Variants in TESK2 observed in about 807,000 individuals in gnomAD.
TESK2 encodes the protein testis associated actin remodelling kinase 2, also known as dual specificity testis-specific protein kinase 2.
A neutral mutation model predicts 57.1 loss-of-function variants in TESK2; 39 were observed. The observed-to-expected ratio is 0.68, with a 90% confidence interval of 0.53 to 0.89. The LOEUF is 0.89. TESK2 is among the 40% of genes least tolerant of loss of function. The pLI is 0.00. For synonymous variants in TESK2, 249 were observed against 267.9 expected (o/e 0.93, Z 0.69); for missense variants, 646 against 732.1 (o/e 0.88, Z 1.36).
chr1:45,447,991 C>T (rs1457290031), intron 2 of TESK2, among the ~76,000 whole-genome samples: 3 of 148,976 alleles, frequency 2.0e-5, no homozygotes, highest in Non-Finnish European at 4.4e-5. Flanking sequence ...AGATATTTCA[C>T]ATTCACAGAT....
intron 2 of TESK2, among the ~76,000 whole-genome samples, chr1:45,437,257 T>C (rs995310112): frequency 6.6e-6 from 1 of 152,242 alleles, no homozygotes. Context: ...CAGTTCTTCT[T>C]GTAGGGTCTT....
intron 5 of TESK2, among the ~76,000 whole-genome samples, chr1:45,352,749 G>GTA (rs397969188): frequency 8.6e-5 from 13 of 151,982 alleles, no homozygotes; most frequent in East Asian, 5.8e-4. Flanking sequence ...GTGTGTGTGT[G>GTA]GGGGGAGTAT....
intron 5 of TESK2, among the ~76,000 whole-genome samples, chr1:45,348,340 G>C (rs1647177400): frequency 1.3e-5 from 2 of 152,202 alleles, no homozygotes; most frequent in African/African-American, 4.8e-5. Flanking sequence ...CAATATAGGG[G>C]AGAACAACAG....
At chr1:45,378,450 C>T (rs942201528) in intron 4 of TESK2, among the ~76,000 whole-genome samples, 5 of 152,174 alleles carry the variant, frequency 3.3e-5, no homozygotes, top group African/African-American at 1.2e-4. Flanking sequence ...ATCCTGAGAT[C>T]ACCATGCTGT....
At chr1:45,470,483 G>T (rs1652716507) in intron 1 of TESK2, among the ~76,000 whole-genome samples, 3 of 152,116 alleles carry the variant, frequency 2.0e-5, no homozygotes, top group Admixed American at 2.0e-4. Flanking sequence ...CATAAAAACT[G>T]GCATCCCTTA....
chr1:45,361,182 C>T (rs1191042459), intron 4 of TESK2, among the ~76,000 whole-genome samples: 1 of 152,162 alleles, frequency 6.6e-6, no homozygotes, highest in Non-Finnish European at 1.5e-5. Flanking sequence ...AAGCAACTCC[C>T]AGTGCAGACT....
chr1:45,388,942 G>A (rs904401629), intron 3 of TESK2, among the ~76,000 whole-genome samples: 1 of 151,942 alleles, frequency 6.6e-6, no homozygotes, highest in Non-Finnish European at 1.5e-5. Flanking sequence ...AGATGGTCTC[G>A]ATCTCCTGAC....
At chr1:45,356,758 A>G (rs1647441384) in intron 4 of TESK2, among the ~76,000 whole-genome samples, 1 of 152,202 alleles carries the variant, frequency 6.6e-6, no homozygotes, top group Admixed American at 6.5e-5. Context: ...TAAGTGAAAG[A>G]CAATATTTAG....
intron 3 of TESK2, among the ~76,000 whole-genome samples, chr1:45,408,123 G>T (rs1177540337): frequency 6.6e-6 from 1 of 151,988 alleles, no homozygotes; most frequent in Non-Finnish European, 1.5e-5. Context: ...AGGGTGTTTT[G>T]TTTACTTCCC....
chr1:45,406,636 ACAGAGCAAGGC>A, intron 3 of TESK2, among the ~76,000 whole-genome samples: 1 of 152,106 alleles, frequency 6.6e-6, no homozygotes, highest in Non-Finnish European at 1.5e-5. Flanking sequence ...AGCCTGGGTG[ACAGAGCAAGGC>A]TCTGTCTAAA....
At chr1:45,411,636 C>T (rs889083576) in intron 3 of TESK2, among the ~76,000 whole-genome samples, 5 of 152,108 alleles carry the variant, frequency 3.3e-5, no homozygotes, top group African/African-American at 1.2e-4. Context: ...GCACACTCAG[C>T]GCACAAGGAC....
chr1:45,430,721 T>C (rs1650914376), intron 2 of TESK2, among the ~76,000 whole-genome samples: 2 of 152,206 alleles, frequency 1.3e-5, no homozygotes, highest in South Asian at 2.1e-4. Flanking sequence ...AAGGGTTGCA[T>C]CTTTTTGCTT....
chr1:45,483,690 AG>A (rs986747194), intron 1 of TESK2, among the ~76,000 whole-genome samples: 1 of 151,802 alleles, frequency 6.6e-6, no homozygotes, highest in African/African-American at 2.4e-5. Context: ...GGGGCGGCGG[AG>A]GGGGGGTCAA....
At chr1:45,347,566 A>G in intron 7 of TESK2, 43 bp downstream of exon 7, 1 of 1,577,548 alleles carries the variant, frequency 6.3e-7, no homozygotes, top group Non-Finnish European at 8.7e-7. Context: ...AAAAAAAGAA[A>G]AAGAAAAAAG....
At chr1:45,434,328 C>A (rs1338055053) in intron 2 of TESK2, among the ~76,000 whole-genome samples, 1 of 149,090 alleles carries the variant, frequency 6.7e-6, no homozygotes, top group East Asian at 2.0e-4. Context: ...CAGGGTCCTG[C>A]TCTATTGCCA....
intron 2 of TESK2, among the ~76,000 whole-genome samples, chr1:45,422,780 T>TTG (rs1234266587): frequency 2.0e-4 from 2 of 10,240 alleles, no homozygotes; most frequent in East Asian, 5.9e-4. Flanking sequence ...TGTTGTTGTT[T>TTG]TTGTTTTGAG....
intron 2 of TESK2, among the ~76,000 whole-genome samples, chr1:45,452,369 T>C (rs1164660067): frequency 6.6e-6 from 1 of 152,018 alleles, no homozygotes; most frequent in Non-Finnish European, 1.5e-5. Flanking sequence ...CAAATTAACA[T>C]AATAATGACT....
chr1:45,391,216 C>G (rs1047498990), intron 3 of TESK2, among the ~76,000 whole-genome samples: 9 of 118,776 alleles, frequency 7.6e-5, no homozygotes, highest in Non-Finnish European at 1.4e-4. Context: ...GCGCCCAGCC[C>G]TTTTTTTTTT....
At chr1:45,470,507 G>A (rs1227602297) in intron 1 of TESK2, among the ~76,000 whole-genome samples, 4 of 152,250 alleles carry the variant, frequency 2.6e-5, no homozygotes, top group East Asian at 1.9e-4. Context: ...AATTAACCAC[G>A]AATATACACA....
Sources: gnomAD v4.1 joint callset for allele counts (sites outside exome capture counted in the v4.1 genomes callset) on GRCh38, gnomAD v4.1.1 for gene constraint, MANE v1.5 for transcripts, NCBI Gene and HGNC (gene_info 2026-07-23, HGNC 2026-07-21) for gene names.